The following MNX1 variants were observed in gnomAD, a reference collection of about 807,000 sequenced individuals.
MNX1 encodes motor neuron and pancreas homeobox protein 1.
A neutral mutation model predicts 17.3 loss-of-function variants in MNX1; 2 were observed. The ratio of observed to expected loss-of-function variants is 0.12; its 90% CI spans 0.05 to 0.36. The LOEUF is 0.36. MNX1 is among the 10% of genes least tolerant of loss of function. MNX1 has a pLI of 1.00. For synonymous variants in MNX1, 306 were observed against 283.1 expected (o/e 1.08, Z -0.81); for missense variants, 556 against 564.7 (o/e 0.98, Z 0.16).
chr7:157,006,617 C>G lies in MNX1; in HGVS notation c.714G>C (p.Leu238=). 1 of 1,599,868 alleles carries G rather than the reference C, an allele frequency of 6.3e-7. No homozygotes were observed. Among genetic ancestry groups the G allele is most frequent in the Non-Finnish European group, 8.5e-7 (1 of 1,174,800 alleles). The change falls in exon 2 of 3, where the codon CTG becomes CTC. Residue 238 remains leucine, a synonymous_variant. Transcript: ENST00000252971. The surrounding 1 kb of genome is among the most constrained non-coding windows in gnomAD (Gnocchi z 6.3). Reference sequence around the variant, plus strand: ...CGGTGCGCGGCCGGCGGCACTTCCCCAGGAGGTTCGACTGCGCCTGGGCTG... The same window carrying G: ...CGGTGCGCGGCCGGCGGCACTTCCCGAGGAGGTTCGACTGCGCCTGGGCTG... ...DFNSQAQSNL[L]GKCRRPRTAF...
chr7:157,006,867 T>TTTTTTTTTG lies in MNX1; in HGVS notation c.692-229_692-228insCAAAAAAAA. 2 of 466,392 alleles carry TTTTTTTTTG rather than the reference T, an allele frequency of 4.3e-6. No individual in the cohort carries two copies. The highest frequency in any genetic ancestry group is 3.8e-6 in the Non-Finnish European group (1 of 264,678). 28.9% of individuals were successfully genotyped at this position (466,392 alleles called of 1,614,324 possible). Reference sequence around the variant, plus strand: ...TAATGAGACCAATTTTTTTTTTTTTTTTTGTCTAGGAGACGTCTGAGTGTC... The same window carrying TTTTTTTTTG: ...TAATGAGACCAATTTTTTTTTTTTTTTTTTTTTTGTTTGTCTAGGAGACGTCTGAGTGTC... On this transcript the variant is annotated intron_variant, in intron 1 of 2. Transcript: ENST00000252971. The surrounding 1 kb of genome is among the most constrained non-coding windows in gnomAD (Gnocchi z 6.3).
chr7:157,006,844 A>C lies in MNX1; in HGVS notation c.692-205T>G. 1 of 435,526 alleles carries C rather than the reference A, an allele frequency of 2.3e-6. No homozygotes were observed. The highest frequency in any genetic ancestry group is 3.9e-6 in the Non-Finnish European group (1 of 259,696). The allele number at this position is 435,526 out of a possible 1,614,324, so 27.0% of individuals were successfully genotyped here. A position where few individuals can be genotyped will look rare whatever the true frequency, so the allele number is the denominator to read the frequency against. On this transcript the variant is annotated intron_variant, in intron 1 of 2. Coordinates refer to ENST00000252971, the MANE Select transcript of MNX1 (RefSeq NM_005515.4). This position sits in a 1 kb window ranked among gnomAD's most constrained non-coding sequence, Gnocchi z 6.3. ...AGTGGAAATGGATAGTTTGGAGTTA[A>C]TGAGACCAATTTTTTTTTTTTTTTT...
rs940892499 is a variant in MNX1 at position 157,005,414 on chromosome 7, G to C, written c.*106C>G. 2 of 812,994 alleles carry C rather than the reference G, an allele frequency of 2.5e-6. No homozygotes were observed. The highest frequency in any genetic ancestry group is 3.6e-5 in the African/African-American group (2 of 55,370). 50.4% of individuals were successfully genotyped at this position (812,994 alleles called of 1,614,324 possible). Reference sequence around the variant, plus strand: ...GAGGGGTCCATGGGGCGGCGGTCGAGCCTGCTCTCGGGGCCGGGCCGGGTG... The same window carrying C: ...GAGGGGTCCATGGGGCGGCGGTCGACCCTGCTCTCGGGGCCGGGCCGGGTG... On this transcript the variant is annotated 3_prime_UTR_variant, in exon 3 of 3. Coordinates refer to ENST00000252971, the MANE Select transcript of MNX1 (RefSeq NM_005515.4).
intron 1 of MNX1, chr7:157,009,238 G>C: frequency 7.0e-7 from 1 of 1,432,328 alleles, no homozygotes; most frequent in Non-Finnish European, 9.1e-7. Flanking sequence ...GAGGGGCCGC[G>C]GGTCTCTCTA....
In MNX1 at chr7:157,006,456, T is replaced by A. The variant is rs771935648; in HGVS notation, c.852+23A>T. ...GTGTCCCCTGGGAGGCCGGGATGCGTCGGGGGCGGGGAGGGCGCGCACCTG... is the reference window on the plus strand; with the variant it reads ...GTGTCCCCTGGGAGGCCGGGATGCGACGGGGGCGGGGAGGGCGCGCACCTG... On this transcript the variant is annotated intron_variant, in intron 2 of 2. Transcript: ENST00000252971. This position sits in a 1 kb window ranked among gnomAD's most constrained non-coding sequence, Gnocchi z 6.3. 1.2e-4 allele frequency: 200 copies of A among 1,604,138 alleles called. No homozygotes were observed. Among genetic ancestry groups the A allele is most frequent in the Non-Finnish European group, 1.6e-4 (192 of 1,177,424 alleles).
In MNX1 at chr7:157,006,975, G is replaced by A. The variant is rs1165255064; in HGVS notation, c.692-336C>T. 1.3e-5 allele frequency: 3 copies of A among 229,994 alleles called. No individual in the cohort carries two copies. Among genetic ancestry groups the A allele is most frequent in the East Asian group, 2.0e-4 (2 of 10,230 alleles). The allele number at this position is 229,994 out of a possible 1,614,324, so 14.2% of individuals were successfully genotyped here. On this transcript the variant is annotated intron_variant, in intron 1 of 2. Transcript: ENST00000252971. This position sits in a 1 kb window ranked among gnomAD's most constrained non-coding sequence, Gnocchi z 6.3. ...GCAGTGGATTGACCCAGAGGCAAGA[G>A]GAGAACTGAGGCCAGTCGGGGGCCA... is the stretch of plus-strand genomic sequence containing the variant.
chr7:157,009,520 G>A (rs1805667604), intron 1 of MNX1, 140 bp downstream of exon 1: 2 of 1,463,240 alleles, frequency 1.4e-6, no homozygotes, highest in East Asian at 2.5e-5. Flanking sequence ...GTCCTCGCAG[G>A]CCCCGGGCAG....
rs1362497197 is a variant in MNX1, at chr7:157,010,298, G to C, written c.53C>G (p.Pro18Arg). ...RIDALLAVDPPRAASAQSAPL... is the reference protein window; with the variant it reads ...RIDALLAVDPRRAASAQSAPL... Reference sequence around the variant, plus strand: ...CGCGCTCTGCGCAGAGGCGGCTCGTGGGGGGTCCACCGCCAGCAGGGCGTC... The same window carrying C: ...CGCGCTCTGCGCAGAGGCGGCTCGTCGGGGGTCCACCGCCAGCAGGGCGTC... Residue 18 changes from proline (P) to arginine (R), a missense_variant, in exon 1 of 3, where the codon CCA becomes CGA. Around this residue, in one of 7 missense-constraint regions of MNX1, gnomAD observed 45 missense variants for 42.0 expected, o/e 1.07. Coordinates refer to ENST00000252971, the MANE Select transcript of MNX1 (RefSeq NM_005515.4). 2 of 1,573,514 alleles carry C rather than the reference G, an allele frequency of 1.3e-6. No individual in the cohort carries two copies. Among genetic ancestry groups the C allele is most frequent in the African/African-American group, 1.4e-5 (1 of 71,566 alleles).
At chr7:157,008,932 C>A in intron 1 of MNX1, 1 of 1,502,484 alleles carries the variant, frequency 6.7e-7, no homozygotes, top group Non-Finnish European at 9.0e-7. Context: ...CTGCCCGAAG[C>A]CCAGCGGCTC....
At position 157,009,916 on chromosome 7, in the gene MNX1, GC is replaced by G; in HGVS notation, c.434del (p.Gly145AlafsTer77). On this transcript the variant is annotated frameshift_variant, in exon 1 of 3. Coordinates refer to ENST00000252971, the MANE Select transcript of MNX1 (RefSeq NM_005515.4). LOFTEE classifies it high-confidence loss of function. ...GGLALGLHPG[G>X]AQGGAGLPAQ... ...CCGGGAGGCCCGCGCCGCCCTGCGC[GC>G]CCCCAGGGTGCAGCCCCAGCGCCAG... 14 of 1,271,514 alleles carry G rather than the reference GC, an allele frequency of 1.1e-5. No individual in the cohort carries two copies. The highest frequency in any genetic ancestry group is 3.0e-4 in the Middle Eastern group (1 of 3,292). The allele number at this position is 1,271,514 out of a possible 1,614,324, so 78.8% of individuals were successfully genotyped here. A position where few individuals can be genotyped will look rare whatever the true frequency, so the allele number is the denominator to read the frequency against.
Position 157,005,775 on chromosome 7 carries a change from G to A in MNX1, c.951C>T (p.Gly317=), listed in dbSNP as rs778353564. The part of the protein sequence containing the change: ...AQEAEKQKGG[G]GGAGKGGAEE... ...CCGCGCCGCCCTTCCCCGCGCCCCCGCCGCCGCCCTTCTGTTTCTCCGCTT... is the reference window on the plus strand; with the variant it reads ...CCGCGCCGCCCTTCCCCGCGCCCCCACCGCCGCCCTTCTGTTTCTCCGCTT... Residue 317 remains glycine (G), a synonymous_variant, in exon 3 of 3, where the codon GGC becomes GGT. Coordinates refer to ENST00000252971, the MANE Select transcript of MNX1 (RefSeq NM_005515.4). 1.2e-6 allele frequency: 2 copies of A among 1,608,978 alleles called. No individual in the cohort carries two copies. The highest frequency in any genetic ancestry group is 2.2e-5 in the East Asian group (1 of 44,748).
chr7:157,010,173 G>A lies in MNX1; in HGVS notation c.178C>T (p.Pro60Ser), dbSNP rs1450456031. ...GCAGCCGGCGGCTCCGAGGACGCGGGGCTGCAGCTGCCGCTAGTCCCGCCG... is the reference window on the plus strand; with the variant it reads ...GCAGCCGGCGGCTCCGAGGACGCGGAGCTGCAGCTGCCGCTAGTCCCGCCG... ...ASGGTSGSCS[P>S]ASSEPPAAPA... The change falls in exon 1 of 3, where the codon CCC (proline) becomes TCC (serine). Residue 60 changes from proline to serine, a missense_variant. By Grantham distance (74) the Pro-to-Ser change is moderately conservative (BLOSUM62 -1). Around this residue, in one of 7 missense-constraint regions of MNX1, gnomAD observed 115 missense variants for 103.5 expected, o/e 1.11. Coordinates refer to ENST00000252971, the MANE Select transcript of MNX1 (RefSeq NM_005515.4). 4.3e-6 allele frequency: 5 copies of A among 1,168,260 alleles called. No homozygotes were observed. The highest frequency in any genetic ancestry group is 4.7e-5 in the Admixed American group (1 of 21,154). 72.4% of individuals were successfully genotyped at this position (1,168,260 alleles called of 1,614,324 possible).
Position 157,006,001 on chromosome 7 carries a change from C to T in MNX1, c.853-128G>A. On this transcript the variant is annotated intron_variant, in intron 2 of 2. Coordinates refer to ENST00000252971, the MANE Select transcript of MNX1 (RefSeq NM_005515.4). The surrounding 1 kb of genome is among the most constrained non-coding windows in gnomAD (Gnocchi z 6.3). ...CTGGAATGGCCTCAGGGTGAGACGA[C>T]TTAGAAGCAGAATGGGGAGGGGGCT... The T allele has an allele frequency of 9.7e-7, 1 of 1,031,530 alleles. No homozygotes were observed. 63.9% of individuals were successfully genotyped at this position (1,031,530 alleles called of 1,614,324 possible). A position where few individuals can be genotyped will look rare whatever the true frequency, so the allele number is the denominator to read the frequency against.
At chr7:157,005,962 C>A in intron 2 of MNX1, 89 bp from the exon 3 acceptor site, 1 of 1,496,678 alleles carries the variant, frequency 6.7e-7, no homozygotes. Flanking sequence ...CGCCTGGGCC[C>A]CATTGGGTCG....
rs1186000707 is a variant in MNX1, at chr7:157,009,790, C to G, written c.561G>C (p.Pro187=). 1 of 1,576,848 alleles carries G rather than the reference C, an allele frequency of 6.3e-7. No homozygotes were observed. The highest frequency in any genetic ancestry group is 1.8e-5 in the Admixed American group (1 of 55,816). The change falls in exon 1 of 3, where the codon CCG becomes CCC. Residue 187 remains proline, a synonymous_variant. Transcript: ENST00000252971. ...GCGCGGGGTGCGCGCCTTGCACCTGCGGGTACGAGTAGGAGAGCGCCGGGT... is the reference window on the plus strand; with the variant it reads ...GCGCGGGGTGCGCGCCTTGCACCTGGGGGTACGAGTAGGAGAGCGCCGGGT... The part of the protein sequence containing the change: ...GQHPALSYSY[P]QVQGAHPAHP...
chr7:157,008,899 G>C, intron 1 of MNX1: 1 of 1,308,768 alleles, frequency 7.6e-7, no homozygotes, highest in Non-Finnish European at 1.1e-6. Context: ...CTGGCGAGGT[G>C]TCCCGCCCGG....
chr7:157,009,507 C>T (rs1026912716), intron 1 of MNX1, 153 bp downstream of exon 1: 23 of 1,446,218 alleles, frequency 1.6e-5, no homozygotes, highest in Non-Finnish European at 1.9e-5. Flanking sequence ...GGGGTCCGGG[C>T]GAGTCCTCGC....
Position 157,006,328 on chromosome 7 carries a change from G to A in MNX1, c.852+151C>T, listed in dbSNP as rs547133187. 8.0e-4 allele frequency: 656 copies of A among 816,140 alleles called. 3 individuals are homozygous for A. Among genetic ancestry groups the A allele is most frequent in the Non-Finnish European group, 1.1e-3 (569 of 532,438 alleles). 50.6% of individuals were successfully genotyped at this position (816,140 alleles called of 1,614,324 possible). ...CCCCACCCGAAGCTACTGAATCGGC[G>A]CTCTGGGCACCTTAGATGAACCCGT... On this transcript the variant is annotated intron_variant, in intron 2 of 2. Transcript: ENST00000252971. The surrounding 1 kb of genome is among the most constrained non-coding windows in gnomAD (Gnocchi z 6.3).
intron 1 of MNX1, chr7:157,008,000 T>A (rs1309314513): frequency 6.6e-6 from 1 of 152,248 alleles, no homozygotes; most frequent in African/African-American, 2.4e-5. Context: ...TCAGAACACA[T>A]TCCGCCGTCT....
Sources: allele counts gnomAD v4.1 joint callset, GRCh38; gene constraint gnomAD v4.1.1; regional missense constraint gnomAD v4.1.1; non-coding constraint Gnocchi (gnomAD v3.1); transcripts MANE v1.5; gene names NCBI Gene and HGNC (gene_info 2026-07-23, HGNC 2026-07-21).